The following ZFHX3 variants were observed in gnomAD, a reference collection of about 807,000 sequenced individuals.
The protein encoded by ZFHX3 is zinc finger homeobox protein 3.
A neutral mutation model predicts 279.1 loss-of-function variants in ZFHX3; 42 were observed. The observed-to-expected ratio is 0.15, with a 90% CI of 0.12 to 0.19. ZFHX3 has a LOEUF of 0.19. Among genes scored for constraint, ZFHX3 ranks in the 10% least tolerant of loss-of-function variants. ZFHX3 has a pLI of 1.00. For missense variants in ZFHX3, 4,981 were observed against 4,754.0 expected, an observed-to-expected ratio of 1.05 and a Z score of -1.40; for synonymous variants, 2,293 against 1,957.8, an observed-to-expected ratio of 1.17 and a Z score of -4.52.
intron 3 of ZFHX3, among the ~76,000 whole-genome samples, chr16:73,353,290 T>C (rs2016280756): frequency 6.6e-6 from 1 of 152,190 alleles, no homozygotes; most frequent in Non-Finnish European, 1.5e-5. Context: ...GTTTTGGTTT[T>C]CACCGAGTCC....
intron 5 of ZFHX3, among the ~76,000 whole-genome samples, chr16:73,256,268 C>A (rs1468644924): frequency 6.6e-6 from 1 of 152,068 alleles, no homozygotes; most frequent in East Asian, 1.9e-4. Context: ...ACTACAGAGC[C>A]AGGAATCAAA....
chr16:73,561,173 T>A (rs1338142277), intron 2 of ZFHX3, among the ~76,000 whole-genome samples: 2 of 152,190 alleles, frequency 1.3e-5, no homozygotes, highest in Admixed American at 6.5e-5. Flanking sequence ...TGCACCAGAT[T>A]TGAACCAGTA....
chr16:72,809,224 A>G (rs73588900), intron 7 of ZFHX3: 136 of 152,390 alleles, frequency 8.9e-4, no homozygotes, highest in African/African-American at 3.1e-3. Flanking sequence ...GTAGATTACT[A>G]TAGGCCCACA....
intron 2 of ZFHX3, among the ~76,000 whole-genome samples, chr16:73,616,832 C>T (rs139933128): frequency 4.6e-5 from 7 of 152,308 alleles, no homozygotes; most frequent in African/African-American, 1.4e-4. Flanking sequence ...TTCTAACGTA[C>T]ATTCCTCCTT....
intron 7 of ZFHX3, among the ~76,000 whole-genome samples, chr16:73,109,673 AG>A (rs1226125362): frequency 6.6e-6 from 1 of 152,130 alleles, no homozygotes; most frequent in Non-Finnish European, 1.5e-5. Flanking sequence ...ACAGGGTGAA[AG>A]CCCATCTCTA....
chr16:73,688,265 G>A (rs771261035), intron 1 of ZFHX3, among the ~76,000 whole-genome samples: 2 of 150,768 alleles, frequency 1.3e-5, no homozygotes, highest in South Asian at 4.2e-4. Flanking sequence ...GCTGAGGCAG[G>A]AGAATCACTT....
At chr16:73,267,891 G>T (rs1350898188) in intron 4 of ZFHX3, among the ~76,000 whole-genome samples, 1 of 152,070 alleles carries the variant, frequency 6.6e-6, no homozygotes. Flanking sequence ...AGTAATTCAG[G>T]GCCCCAGGAT....
chr16:73,483,278 A>C (rs969838658), intron 2 of ZFHX3: 43 of 421,732 alleles, frequency 1.0e-4, no homozygotes, highest in Middle Eastern at 7.8e-4. Context: ...GCGTACGCAT[A>C]GACACGTGCA....
chr16:73,728,015 G>GCCCCCCCCCTCCCC (rs2053534717), intron 1 of ZFHX3, among the ~76,000 whole-genome samples: 1 of 75,426 alleles, frequency 1.3e-5, no homozygotes, highest in Non-Finnish European at 2.6e-5. Flanking sequence ...GCCGAATTGT[G>GCCCCCCCCCTCCCC]CCCCCCCCCC....
chr16:73,298,265 C>T (rs892508974), intron 4 of ZFHX3, among the ~76,000 whole-genome samples: 6 of 149,444 alleles, frequency 4.0e-5, no homozygotes, highest in African/African-American at 1.3e-4. Flanking sequence ...TCACTGCAAC[C>T]TCCGCCCCTC....
intron 7 of ZFHX3, chr16:73,127,051 C>T (rs1184474852): frequency 4.2e-6 from 1 of 235,328 alleles, no homozygotes; most frequent in East Asian, 1.2e-4. Context: ...CTTGACTCTC[C>T]AATTTCAGCT....
intron 3 of ZFHX3, among the ~76,000 whole-genome samples, chr16:73,331,914 C>G (rs1021122055): frequency 6.6e-6 from 1 of 152,144 alleles, no homozygotes; most frequent in African/African-American, 2.4e-5. Flanking sequence ...TAGCATCACA[C>G]AGGAAGAGTT....
At chr16:73,584,822 T>G (rs778544383) in intron 2 of ZFHX3, among the ~76,000 whole-genome samples, 1 of 151,740 alleles carries the variant, frequency 6.6e-6, no homozygotes, top group South Asian at 2.1e-4. Context: ...TGGGAGAAAA[T>G]TTTTGCAATC....
chr16:72,988,126 G>A (rs903828719), intron 1 of ZFHX3, among the ~76,000 whole-genome samples: 1 of 152,212 alleles, frequency 6.6e-6, no homozygotes, highest in Non-Finnish European at 1.5e-5. Context: ...AACAGGGCCA[G>A]TCGAGCCTGC....
At chr16:73,235,261 G>C (rs982671269) in intron 5 of ZFHX3, among the ~76,000 whole-genome samples, 9 of 152,048 alleles carry the variant, frequency 5.9e-5, no homozygotes, top group African/African-American at 1.9e-4. Context: ...AGTAGAGGCA[G>C]GGTTTCCCTG....
At chr16:73,642,043 C>T (rs2052577914) in intron 2 of ZFHX3, among the ~76,000 whole-genome samples, 1 of 151,970 alleles carries the variant, frequency 6.6e-6, no homozygotes, top group South Asian at 2.1e-4. Flanking sequence ...ACGCTTCCAC[C>T]AAATTTGTTT....
chr16:73,603,932 C>G (rs1338570805), intron 2 of ZFHX3, among the ~76,000 whole-genome samples: 1 of 151,800 alleles, frequency 6.6e-6, no homozygotes, highest in South Asian at 2.1e-4. Flanking sequence ...GCATGTGTCA[C>G]CATGCCCAGC....
intron 2 of ZFHX3, among the ~76,000 whole-genome samples, chr16:73,590,140 G>C (rs58567382): frequency 6.6e-6 from 1 of 152,012 alleles, no homozygotes; most frequent in South Asian, 2.1e-4. Flanking sequence ...TAGAGGTGAC[G>C]TAGGTGAGTA....
rs555991497 is a variant in ZFHX3 at position 73,132,581 on chromosome 16, C to T, written c.-1023-1487G>A. ...TGATGCATTGGAATTTGTCCTGCTT[C>T]ATGGTCTGGTCTGCTATAGGACCAC... On this transcript the variant is annotated intron_variant, in intron 6 of 17. Coordinates refer to the ZFHX3 transcript ENST00000641206. Among the ~76,000 whole-genome samples, 102 of 152,320 alleles carry T rather than the reference C, an allele frequency of 6.7e-4. 1 individual carries two copies. The highest frequency in any genetic ancestry group is 2.5e-3 in the African/African-American group (102 of 41,570).
Sources: allele counts gnomAD v4.1 joint callset (sites outside exome capture counted in the v4.1 genomes callset), GRCh38; gene constraint gnomAD v4.1.1; transcripts MANE v1.5; gene names NCBI Gene and HGNC (gene_info 2026-07-23, HGNC 2026-07-21).